Variants in ST6GALNAC3 observed in about 807,000 individuals in gnomAD.
ST6GALNAC3 encodes alpha-N-acetylgalactosaminide alpha-2,6-sialyltransferase 3.
ST6GALNAC3 carries 25 observed loss-of-function variants against 32.7 expected under a neutral mutation model. That is an observed-to-expected ratio of 0.76 (90% confidence interval 0.56 to 1.07). ST6GALNAC3 has a LOEUF of 1.07. Among genes scored for constraint, ST6GALNAC3 ranks in the 50% least tolerant of loss-of-function variants. The probability of loss-of-function intolerance (pLI) is 0.00; values close to 1 mark genes in which losing one functional copy is unlikely to be tolerated. For missense variants in ST6GALNAC3, 355 were observed against 382.4 expected, an observed-to-expected ratio of 0.93 and a Z score of 0.60; for synonymous variants, 129 against 133.1, an observed-to-expected ratio of 0.97 and a Z score of 0.21.
chr1:76,113,323 AC>A (rs903879555), intron 1 of ST6GALNAC3, among the ~76,000 whole-genome samples: 27 of 105,296 alleles, frequency 2.6e-4, no homozygotes, highest in African/African-American at 9.3e-4. Context: ...TCAGAGGGAG[AC>A]CGTGGGGAGA....
At chr1:76,202,699 T>C (rs565147115) in intron 1 of ST6GALNAC3, among the ~76,000 whole-genome samples, 2 of 152,292 alleles carry the variant, frequency 1.3e-5, no homozygotes, top group Non-Finnish European at 2.9e-5. Flanking sequence ...ATCTTGGATG[T>C]TGAGTTCAAT....
chr1:76,100,243 C>T (rs1029385958), intron 1 of ST6GALNAC3, among the ~76,000 whole-genome samples: 9 of 151,750 alleles, frequency 5.9e-5, no homozygotes, highest in African/African-American at 1.7e-4. Context: ...TCTTTTTTTA[C>T]CTGATTGTAC....
chr1:76,444,480 G>T (rs944267212), intron 3 of ST6GALNAC3, among the ~76,000 whole-genome samples: 3 of 152,162 alleles, frequency 2.0e-5, no homozygotes, highest in African/African-American at 4.8e-5. Context: ...ACTCATTTTG[G>T]TTTTTTCCTT....
chr1:76,097,267 A>C (rs1348625639), intron 1 of ST6GALNAC3, among the ~76,000 whole-genome samples: 1 of 152,062 alleles, frequency 6.6e-6, no homozygotes, highest in African/African-American at 2.4e-5. Context: ...CTGTGTCCTC[A>C]CTCAAATCTT....
At chr1:76,123,201 G>A (rs1000738291) in intron 1 of ST6GALNAC3, among the ~76,000 whole-genome samples, 47 of 151,910 alleles carry the variant, frequency 3.1e-4, no homozygotes, top group African/African-American at 1.1e-3. Context: ...GTGAAACCCC[G>A]TCTCTACTAA....
At chr1:76,626,407 G>C (rs1031412055) in intron 3 of ST6GALNAC3, among the ~76,000 whole-genome samples, 1 of 151,868 alleles carries the variant, frequency 6.6e-6, no homozygotes, top group African/African-American at 2.4e-5. Flanking sequence ...CATCTCTTTT[G>C]AATGGATTGA....
intron 1 of ST6GALNAC3, among the ~76,000 whole-genome samples, chr1:76,207,809 G>A (rs1404099125): frequency 6.6e-6 from 1 of 152,214 alleles, no homozygotes; most frequent in Non-Finnish European, 1.5e-5. Context: ...AATAATGAAT[G>A]TTAAATTTAT....
intron 3 of ST6GALNAC3, among the ~76,000 whole-genome samples, chr1:76,607,600 T>C (rs1428094223): frequency 2.0e-5 from 3 of 152,194 alleles, no homozygotes; most frequent in Non-Finnish European, 4.4e-5. Flanking sequence ...CTATCGTCCC[T>C]ATCACTCAGG....
chr1:76,437,745 T>A (rs1656254369), intron 3 of ST6GALNAC3, among the ~76,000 whole-genome samples: 1 of 151,776 alleles, frequency 6.6e-6, no homozygotes, highest in African/African-American at 2.4e-5. Context: ...GCCCAGCTAA[T>A]TTTTTTATTT....
At chr1:76,116,013 A>G (rs1228525253) in intron 1 of ST6GALNAC3, among the ~76,000 whole-genome samples, 1 of 152,182 alleles carries the variant, frequency 6.6e-6, no homozygotes, top group Non-Finnish European at 1.5e-5. Flanking sequence ...AGCTTGTTGT[A>G]TGATAGGAAA....
chr1:76,141,444 A>G (rs1650314470), intron 1 of ST6GALNAC3, among the ~76,000 whole-genome samples: 1 of 152,204 alleles, frequency 6.6e-6, no homozygotes, highest in Non-Finnish European at 1.5e-5. Context: ...AGGTCCTGCA[A>G]GTCCCCATTA....
chr1:76,111,785 CAGA>C (rs1183244949), intron 1 of ST6GALNAC3, among the ~76,000 whole-genome samples: 3 of 151,042 alleles, frequency 2.0e-5, no homozygotes, highest in South Asian at 2.1e-4. Flanking sequence ...GATCCCAAGG[CAGA>C]AGAATTTTTC....
At chr1:76,193,543 T>C (rs934606573) in intron 1 of ST6GALNAC3, among the ~76,000 whole-genome samples, 3 of 152,122 alleles carry the variant, frequency 2.0e-5, no homozygotes, top group Non-Finnish European at 4.4e-5. Context: ...CTGAGTCCCA[T>C]GATGGCAAAA....
chr1:76,522,423 A>G (rs1421203014), intron 3 of ST6GALNAC3, among the ~76,000 whole-genome samples: 1 of 152,008 alleles, frequency 6.6e-6, no homozygotes, highest in African/African-American at 2.4e-5. Context: ...CAAGTTACAT[A>G]TATGTGATGC....
chr1:76,610,668 G>C (rs1404986612), intron 3 of ST6GALNAC3, among the ~76,000 whole-genome samples: 1 of 152,086 alleles, frequency 6.6e-6, no homozygotes, highest in African/African-American at 2.4e-5. Context: ...AGAGAATGTT[G>C]GACATTTACA....
intron 1 of ST6GALNAC3, among the ~76,000 whole-genome samples, chr1:76,164,294 TG>T (rs1253283275): frequency 6.6e-6 from 1 of 152,040 alleles, no homozygotes; most frequent in Non-Finnish European, 1.5e-5. Context: ...AGACTATACA[TG>T]TCACTCACAG....
chr1:76,457,015 C>G (rs1169840677), intron 3 of ST6GALNAC3, among the ~76,000 whole-genome samples: 1 of 151,328 alleles, frequency 6.6e-6, no homozygotes. Flanking sequence ...TCTCAGGATA[C>G]AAAATCAATG....
chr1:76,135,396 C>T (rs560790943), intron 1 of ST6GALNAC3, among the ~76,000 whole-genome samples: 1 of 152,250 alleles, frequency 6.6e-6, no homozygotes, highest in South Asian at 2.1e-4. Flanking sequence ...TATTGAACAT[C>T]TACTGATATG....
intron 1 of ST6GALNAC3, among the ~76,000 whole-genome samples, chr1:76,173,991 T>C (rs544003854): frequency 1.7e-3 from 252 of 152,312 alleles, no homozygotes; most frequent in Middle Eastern, 6.8e-3. Context: ...ACTGGGTATA[T>C]ACCCAGAGAA....
Sources: gnomAD v4.1 joint callset for allele counts (sites outside exome capture counted in the v4.1 genomes callset) on GRCh38, gnomAD v4.1.1 for gene constraint, MANE v1.5 for transcripts, NCBI Gene and HGNC (gene_info 2026-07-23, HGNC 2026-07-21) for gene names.